PDLIM5: variants seen among roughly 807,000 people sequenced by gnomAD.
The protein encoded by PDLIM5 is PDZ and LIM domain 5, also known as PDZ and LIM domain protein 5.
PDLIM5 carries 34 observed loss-of-function variants against 64.2 expected under a neutral mutation model. The observed-to-expected ratio is 0.53, with a 90% CI of 0.40 to 0.71. The LOEUF (loss-of-function observed/expected upper bound fraction) is 0.71, where lower values mean the gene tolerates loss of function less well. Among genes scored for constraint, PDLIM5 ranks in the 30% least tolerant of loss-of-function variants. PDLIM5 has a pLI of 0.00. For synonymous variants in PDLIM5, 253 were observed against 269.1 expected, an observed-to-expected ratio of 0.94 and a Z score of 0.59; for missense variants, 683 against 733.6, an observed-to-expected ratio of 0.93 and a Z score of 0.80.
At chr4:94,520,787 A>G (rs904930875) in intron 2 of PDLIM5, among the ~76,000 whole-genome samples, 1 of 152,220 alleles carries the variant, frequency 6.6e-6, no homozygotes, top group Non-Finnish European at 1.5e-5. Flanking sequence ...ATGGTTAGAG[A>G]TTCCAAAAAG....
At chr4:94,501,287 T>A (rs1727895905) in intron 2 of PDLIM5, among the ~76,000 whole-genome samples, 2 of 152,156 alleles carry the variant, frequency 1.3e-5, no homozygotes, top group South Asian at 4.1e-4. Flanking sequence ...TTTTGCCATG[T>A]TGCCCAGGCT....
At chr4:94,621,983 A>G (rs1417105304) in intron 8 of PDLIM5, among the ~76,000 whole-genome samples, 1 of 152,146 alleles carries the variant, frequency 6.6e-6, no homozygotes, top group Non-Finnish European at 1.5e-5. Flanking sequence ...CTGAGTTCTT[A>G]TTTATCTTGC....
intron 2 of PDLIM5, among the ~76,000 whole-genome samples, chr4:94,478,524 A>T (rs1725537194): frequency 6.6e-6 from 1 of 152,104 alleles, no homozygotes; most frequent in South Asian, 2.1e-4. Flanking sequence ...AGTCAATGTA[A>T]AGTTATTAAT....
intron 7 of PDLIM5, chr4:94,610,014 G>A (rs1738234180): frequency 7.5e-6 from 4 of 536,482 alleles, no homozygotes; most frequent in Non-Finnish European, 1.3e-5. Context: ...AGACTAAATG[G>A]CCTGAACTCC....
intron 2 of PDLIM5, among the ~76,000 whole-genome samples, chr4:94,482,436 G>A (rs1384606629): frequency 6.6e-6 from 1 of 152,200 alleles, no homozygotes; most frequent in Admixed American, 6.5e-5. Context: ...ATGTGCAAGT[G>A]TGCAAAGAGC....
intron 12 of PDLIM5, 51 bp from the exon 13 acceptor site, chr4:94,663,927 C>A: frequency 1.3e-6 from 2 of 1,550,940 alleles, no homozygotes; most frequent in Middle Eastern, 1.7e-4. Context: ...TGGGTAAAAT[C>A]CTCTTAATAT....
chr4:94,662,145 C>T (rs1313065783), intron 11 of PDLIM5, among the ~76,000 whole-genome samples: 1 of 151,980 alleles, frequency 6.6e-6, no homozygotes, highest in Non-Finnish European at 1.5e-5. Flanking sequence ...TGTATTTAGG[C>T]AATTAAGTAG....
At chr4:94,497,142 C>T (rs769119070) in intron 2 of PDLIM5, among the ~76,000 whole-genome samples, 6 of 152,188 alleles carry the variant, frequency 3.9e-5, no homozygotes, top group East Asian at 1.9e-4. Context: ...GGCTGCTTTA[C>T]ATGTGATTCT....
At chr4:94,481,845 G>A (rs1021375894) in intron 2 of PDLIM5, among the ~76,000 whole-genome samples, 1 of 151,920 alleles carries the variant, frequency 6.6e-6, no homozygotes, top group African/African-American at 2.4e-5. Flanking sequence ...TCCTGACCTC[G>A]TTATCCACCC....
At chr4:94,526,563 G>T (rs942338760) in intron 3 of PDLIM5, among the ~76,000 whole-genome samples, 1 of 152,020 alleles carries the variant, frequency 6.6e-6, no homozygotes, top group African/African-American at 2.4e-5. Context: ...AACAAAATTC[G>T]TAGTATAACA....
rs886176587 is a variant in PDLIM5 at position 94,610,048 on chromosome 4, C to T, written c.921-7956C>T. On this transcript the variant is annotated intron_variant, in intron 7 of 12. Transcript: ENST00000317968. ...CCTATTACACTTCTTACACTTCACA[C>T]TTTTATAATGCTTAGATATTAATAT... 13 of 626,756 alleles carry T rather than the reference C, an allele frequency of 2.1e-5. No individual in the cohort carries two copies. The African/African-American group carries it at 2.4e-4, about 12-fold the overall frequency. 38.8% of individuals were successfully genotyped at this position (626,756 alleles called of 1,614,324 possible). A position where few individuals can be genotyped will look rare whatever the true frequency, so the allele number is the denominator to read the frequency against.
chr4:94,462,903 C>A (rs1359908211), intron 2 of PDLIM5, among the ~76,000 whole-genome samples: 2 of 152,126 alleles, frequency 1.3e-5, no homozygotes, highest in African/African-American at 4.8e-5. Flanking sequence ...AAAGGATTTT[C>A]TGTGTTTTCA....
intron 2 of PDLIM5, among the ~76,000 whole-genome samples, chr4:94,508,226 G>A (rs975723314): frequency 1.3e-5 from 2 of 152,198 alleles, no homozygotes; most frequent in African/African-American, 4.8e-5. Flanking sequence ...AATCAATGCT[G>A]TGTGACGAGA....
At position 94,573,358 on chromosome 4, in the gene PDLIM5, G is replaced by A; in HGVS notation, c.256G>A (p.Ala86Thr). The change falls in exon 4 of 13, where the codon GCT (alanine) becomes ACT (threonine). Residue 86 changes from alanine to threonine, a missense_variant. By Grantham distance (58) the Ala-to-Thr change is moderately conservative (BLOSUM62 0). Coordinates refer to ENST00000317968, the MANE Select transcript of PDLIM5 (RefSeq NM_006457.5). The stretch of plus-strand genomic sequence containing the variant: ...CTTTCTTTTTTTCCTCAGAGCATCT[G>A]CTGCACCCAAGCCTGAGCCGGTTCC... ...SLNMTLQRAS[A>T]APKPEPVPVQ... 1.2e-6 allele frequency: 2 copies of A among 1,610,932 alleles called. No individual in the cohort carries two copies. The highest frequency in any genetic ancestry group is 2.2e-5 in the South Asian group (2 of 90,806).
chr4:94,479,031 C>T (rs949419986), intron 2 of PDLIM5, among the ~76,000 whole-genome samples: 6 of 150,148 alleles, frequency 4.0e-5, no homozygotes, highest in Non-Finnish European at 8.9e-5. Flanking sequence ...TTATGAGTAG[C>T]TGGGACCACA....
intron 2 of PDLIM5, among the ~76,000 whole-genome samples, chr4:94,500,222 C>G (rs1727790716): frequency 6.6e-6 from 1 of 152,188 alleles, no homozygotes; most frequent in African/African-American, 2.4e-5. Flanking sequence ...TGGTGACTCT[C>G]TGTACTTTGA....
At chr4:94,561,880 T>C (rs954278710) in intron 3 of PDLIM5, among the ~76,000 whole-genome samples, 6 of 152,224 alleles carry the variant, frequency 3.9e-5, no homozygotes, top group African/African-American at 9.6e-5. Context: ...ACAACACATA[T>C]AGTAATCCAT....
intron 2 of PDLIM5, among the ~76,000 whole-genome samples, chr4:94,491,194 C>G (rs1156684826): frequency 6.6e-6 from 1 of 152,128 alleles, no homozygotes; most frequent in African/African-American, 2.4e-5. Context: ...ATTCCGACTG[C>G]TAAGGGGATT....
At chr4:94,569,211 A>T (rs1038415205) in intron 3 of PDLIM5, among the ~76,000 whole-genome samples, 3 of 152,244 alleles carry the variant, frequency 2.0e-5, no homozygotes, top group Non-Finnish European at 4.4e-5. Flanking sequence ...TTAGAAATTC[A>T]AACAATTTGT....
Sources: allele counts gnomAD v4.1 joint callset (sites outside exome capture counted in the v4.1 genomes callset), GRCh38; gene constraint gnomAD v4.1.1; transcripts MANE v1.5; gene names NCBI Gene and HGNC (gene_info 2026-07-23, HGNC 2026-07-21).